Variants in BICD1 observed in about 807,000 individuals in gnomAD.
BICD1 encodes the protein BICD cargo adaptor 1, also known as protein bicaudal D homolog 1.
Under a neutral mutation model 92.5 loss-of-function variants are expected in BICD1, and 35 were observed. The ratio of observed to expected loss-of-function variants is 0.38; its 90% CI spans 0.29 to 0.50. BICD1 has a LOEUF of 0.50. BICD1 is among the 20% of genes least tolerant of loss of function. BICD1 has a pLI of 0.93. For missense variants in BICD1, 950 were observed against 1,189.8 expected, an observed-to-expected ratio of 0.80 and a Z score of 2.97; for synonymous variants, 429 against 465.1, an observed-to-expected ratio of 0.92 and a Z score of 1.00.
At chr12:32,265,676 G>A (rs1388145521) in intron 2 of BICD1, among the ~76,000 whole-genome samples, 1 of 149,556 alleles carries the variant, frequency 6.7e-6, no homozygotes, top group Non-Finnish European at 1.5e-5. Context: ...AGCTATAATT[G>A]TGCCACTGCA....
At chr12:32,140,178 GT>G (rs1942866781) in intron 1 of BICD1, among the ~76,000 whole-genome samples, 1 of 152,148 alleles carries the variant, frequency 6.6e-6, no homozygotes, top group South Asian at 2.1e-4. Context: ...ATGGGTCTTG[GT>G]TTAACAGCAG....
At chr12:32,338,651 A>T in intron 7 of BICD1, 135 bp from the exon 8 acceptor site, 2 of 737,538 alleles carry the variant, frequency 2.7e-6, no homozygotes. Context: ...AAAAAAAAAA[A>T]GCAAAAAGAT....
At chr12:32,348,763 T>A (rs199790378) in intron 8 of BICD1, among the ~76,000 whole-genome samples, 12 of 24,830 alleles carry the variant, frequency 4.8e-4, no homozygotes, top group African/African-American at 2.7e-3. Context: ...TATATATATA[T>A]ATATATATAT....
At chr12:32,134,358 A>C (rs1380690366) in intron 1 of BICD1, among the ~76,000 whole-genome samples, 1 of 152,236 alleles carries the variant, frequency 6.6e-6, no homozygotes, top group East Asian at 1.9e-4. Flanking sequence ...TGATCTTTGT[A>C]TGAACAGAAA....
At chr12:32,239,219 C>G (rs1241091035) in intron 2 of BICD1, among the ~76,000 whole-genome samples, 1 of 134,258 alleles carries the variant, frequency 7.4e-6, no homozygotes, top group Admixed American at 8.3e-5. Flanking sequence ...TGCACTGTAG[C>G]CTGGGTGACA....
chr12:32,308,904 C>A (rs1373222575), intron 4 of BICD1, among the ~76,000 whole-genome samples: 1 of 152,126 alleles, frequency 6.6e-6, no homozygotes. Context: ...TTGTGAAAAC[C>A]AGGTTCAACA....
At chr12:32,201,450 C>T (rs1203289306) in intron 1 of BICD1, among the ~76,000 whole-genome samples, 1 of 151,282 alleles carries the variant, frequency 6.6e-6, no homozygotes, top group African/African-American at 2.4e-5. Context: ...TGCATAGGCA[C>T]TCAGTAAATA....
intron 9 of BICD1, among the ~76,000 whole-genome samples, chr12:32,371,367 C>G (rs760142292): frequency 9.3e-4 from 141 of 152,240 alleles, no homozygotes; most frequent in Non-Finnish European, 1.7e-3. Context: ...TACACACTGC[C>G]AAATGGGTCA....
chr12:32,328,372 G>T lies in BICD1; in HGVS notation c.1917G>T (p.Leu639=), dbSNP rs1260715953. ...NAIIRDQIKH[L]QKAVDRSLQL... The stretch of plus-strand genomic sequence containing the variant: ...TAATCCGGGACCAAATCAAGCATCT[G>T]CAGAAAGCTGTGGACCGGTCCTTGC... Residue 639 remains leucine, a synonymous_variant, in exon 5 of 10, where the codon CTG becomes CTT. Coordinates refer to ENST00000652176, the MANE Select transcript of BICD1 (RefSeq NM_001714.4). The surrounding 1 kb of genome is among the most constrained non-coding windows in gnomAD (Gnocchi z 4.4). 1 of 1,614,196 alleles carries T rather than the reference G, an allele frequency of 6.2e-7. No homozygotes were observed. Among genetic ancestry groups the T allele is most frequent in the Non-Finnish European group, 8.5e-7 (1 of 1,180,038 alleles).
chr12:32,171,814 G>T (rs754468412), intron 1 of BICD1, among the ~76,000 whole-genome samples: 1 of 151,918 alleles, frequency 6.6e-6, no homozygotes, highest in Non-Finnish European at 1.5e-5. Flanking sequence ...TGCACCTGTA[G>T]TCCCAGCTAC....
At chr12:32,270,709 T>C (rs1373384034) in intron 2 of BICD1, among the ~76,000 whole-genome samples, 1 of 152,212 alleles carries the variant, frequency 6.6e-6, no homozygotes, top group Non-Finnish European at 1.5e-5. Context: ...GAATATGTAT[T>C]TTATAATATT....
chr12:32,162,884 G>A (rs1943641107), intron 1 of BICD1, among the ~76,000 whole-genome samples: 1 of 152,144 alleles, frequency 6.6e-6, no homozygotes, highest in Non-Finnish European at 1.5e-5. Flanking sequence ...TACTCAGGAG[G>A]CTGAGGCAGG....
rs528068901 is a variant in BICD1, at chr12:32,285,721, A to G, written c.427-8273A>G. Among the ~76,000 whole-genome samples, 9 of 152,256 alleles carry G rather than the reference A, an allele frequency of 5.9e-5. 1 individual carries two copies. The South Asian group carries it at 1.9e-3, about 32-fold the overall frequency. ...CTGAGACTCAGCTCCCTGGAGGTGA[A>G]AAGCTAAAGCATTCCCCTGTTGTGC... is the stretch of plus-strand genomic sequence containing the variant. On this transcript the variant is annotated intron_variant, in intron 2 of 9. Coordinates refer to ENST00000652176, the MANE Select transcript of BICD1 (RefSeq NM_001714.4).
In BICD1 at chr12:32,298,149, C is replaced by T. The variant is rs116920160; in HGVS notation, c.579+4003C>T. Among the ~76,000 whole-genome samples the T allele has an allele frequency of 6.5e-3, 978 of 150,630 alleles. 8 individuals are homozygous for T. The highest frequency in any genetic ancestry group is 9.1e-3 in the Non-Finnish European group (615 of 67,764). The stretch of plus-strand genomic sequence containing the variant: ...AGTGAGCTGTGATCACACCTCTGTA[C>T]TCCAGCCTGAGCGATAGAGTGAGAC... On this transcript the variant is annotated intron_variant, in intron 3 of 9. Coordinates refer to ENST00000652176, the MANE Select transcript of BICD1 (RefSeq NM_001714.4).
At chr12:32,263,168 A>C (rs1253480038) in intron 2 of BICD1, among the ~76,000 whole-genome samples, 4 of 151,842 alleles carry the variant, frequency 2.6e-5, no homozygotes, top group Admixed American at 2.0e-4. Flanking sequence ...AGTTTGTGGT[A>C]ATTTATAACA....
chr12:32,238,970 G>C (rs1946155441), intron 2 of BICD1, among the ~76,000 whole-genome samples: 1 of 148,432 alleles, frequency 6.7e-6, no homozygotes, highest in Non-Finnish European at 1.5e-5. Context: ...AAAAAGGCTG[G>C]GCGCAGTGGC....
At chr12:32,370,045 A>C (rs898220304) in intron 9 of BICD1, among the ~76,000 whole-genome samples, 4 of 152,144 alleles carry the variant, frequency 2.6e-5, no homozygotes, top group Admixed American at 2.6e-4. Context: ...CGCTAATGCC[A>C]TTTTACAACA....
intron 2 of BICD1, among the ~76,000 whole-genome samples, chr12:32,288,730 G>A (rs570227384): frequency 6.0e-4 from 91 of 152,024 alleles, no homozygotes; most frequent in African/African-American, 2.1e-3. Context: ...GCCAGGTGTG[G>A]TAGCAGGCAC....
At chr12:32,231,163 A>G (rs1301338914) in intron 2 of BICD1, among the ~76,000 whole-genome samples, 1 of 152,142 alleles carries the variant, frequency 6.6e-6, no homozygotes, top group Non-Finnish European at 1.5e-5. Context: ...ATAATCCCAA[A>G]TATTTGGGAG....
Sources: gnomAD v4.1 joint callset for allele counts (sites outside exome capture counted in the v4.1 genomes callset) on GRCh38, gnomAD v4.1.1 for gene constraint, Gnocchi (gnomAD v3.1) non-coding constraint, MANE v1.5 for transcripts, NCBI Gene and HGNC (gene_info 2026-07-23, HGNC 2026-07-21) for gene names.